GABBR2: variants seen among roughly 807,000 people sequenced by gnomAD.
GABBR2 encodes the protein gamma-aminobutyric acid type B receptor subunit 2, also known as G-protein coupled receptor 51.
A neutral mutation model predicts 105.6 loss-of-function variants in GABBR2; 23 were observed. The ratio of observed to expected loss-of-function variants is 0.22; its 90% CI spans 0.16 to 0.31. The LOEUF (loss-of-function observed/expected upper bound fraction) is 0.31. Ranked by LOEUF, GABBR2 falls within the 10% of genes least tolerant of loss-of-function variation. The pLI is 1.00. For synonymous variants in GABBR2, 478 were observed against 499.7 expected (o/e 0.96, Z 0.58); for missense variants, 734 against 1,245.5 (o/e 0.59, Z 6.18).
intron 11 of GABBR2, among the ~76,000 whole-genome samples, chr9:98,377,113 C>T (rs1166279904): frequency 6.7e-6 from 1 of 148,204 alleles, no homozygotes; most frequent in Non-Finnish European, 1.5e-5. Context: ...CAGAACAATG[C>T]AGAATGAGCA....
intron 2 of GABBR2, among the ~76,000 whole-genome samples, chr9:98,555,285 G>C (rs1019163058): frequency 5.3e-5 from 8 of 152,216 alleles, no homozygotes; most frequent in African/African-American, 1.9e-4. Context: ...AAGCCTCAGC[G>C]AAGGAAAGGA....
chr9:98,643,956 C>T (rs1829999819), intron 1 of GABBR2, among the ~76,000 whole-genome samples: 2 of 152,158 alleles, frequency 1.3e-5, no homozygotes, highest in South Asian at 4.1e-4. Flanking sequence ...GGCTAGCCTT[C>T]CCCAAAGTTT....
At chr9:98,364,649 T>G (rs1831645497) in intron 12 of GABBR2, among the ~76,000 whole-genome samples, 1 of 148,340 alleles carries the variant, frequency 6.7e-6, no homozygotes, top group Non-Finnish European at 1.5e-5. Flanking sequence ...TAGGCTGGAA[T>G]GCAATGGTGC....
rs530418068 is a variant in GABBR2 at position 98,454,650 on chromosome 9, A to G, written c.1000-433T>C. Among the ~76,000 whole-genome samples the G allele has an allele frequency of 1.3e-5, 2 of 152,294 alleles. No individual in the cohort carries two copies. Among genetic ancestry groups the G allele is most frequent in the African/African-American group, 4.8e-5 (2 of 41,552 alleles). On this transcript the variant is annotated intron_variant, in intron 6 of 18. Transcript: ENST00000259455. The surrounding 1 kb of genome is among the most constrained non-coding windows in gnomAD (Gnocchi z 4.6). ...AAAATATTCTCTATCTCCTCATCGT[A>G]ATAAATACACCTTCCTAGGGATCTG... is the stretch of plus-strand genomic sequence containing the variant.
At chr9:98,407,567 A>T (rs1203771414) in intron 7 of GABBR2, among the ~76,000 whole-genome samples, 3 of 152,210 alleles carry the variant, frequency 2.0e-5, no homozygotes, top group Non-Finnish European at 4.4e-5. Flanking sequence ...CACCTTCTAA[A>T]AGGATCATTT....
chr9:98,501,420 C>T (rs1484742197), intron 3 of GABBR2, among the ~76,000 whole-genome samples: 1 of 152,186 alleles, frequency 6.6e-6, no homozygotes, highest in Non-Finnish European at 1.5e-5. Context: ...CCGCTTTGGC[C>T]TCCCAAAGTG....
At chr9:98,349,752 G>A (rs534787742) in intron 13 of GABBR2, among the ~76,000 whole-genome samples, 1 of 152,176 alleles carries the variant, frequency 6.6e-6, no homozygotes, top group South Asian at 2.1e-4. Flanking sequence ...TGGTATCAGG[G>A]TAATTCTGGT....
chr9:98,509,418 G>C (rs1008098002), intron 3 of GABBR2, among the ~76,000 whole-genome samples: 17 of 152,328 alleles, frequency 1.1e-4, no homozygotes, highest in Admixed American at 1.0e-3. Flanking sequence ...AAGCTGGATG[G>C]AGAATGACTT....
chr9:98,517,567 A>G (rs1442200499), intron 3 of GABBR2, among the ~76,000 whole-genome samples: 2 of 152,226 alleles, frequency 1.3e-5, no homozygotes, highest in South Asian at 2.1e-4. Flanking sequence ...AATAATGTCT[A>G]AACTTCATTG....
intron 1 of GABBR2, among the ~76,000 whole-genome samples, chr9:98,613,880 G>T (rs1424062451): frequency 6.6e-6 from 1 of 152,204 alleles, no homozygotes; most frequent in Admixed American, 6.5e-5. Flanking sequence ...GCGAGCAAAA[G>T]CATTAGGAAA....
chr9:98,476,253 T>C (rs796312257), intron 5 of GABBR2, among the ~76,000 whole-genome samples: 32 of 152,360 alleles, frequency 2.1e-4, no homozygotes, highest in African/African-American at 7.5e-4. Context: ...AACCAGCTAC[T>C]GTCCTGTTGT....
chr9:98,700,806 G>A (rs1477535863), intron 1 of GABBR2, among the ~76,000 whole-genome samples: 1 of 152,192 alleles, frequency 6.6e-6, no homozygotes, highest in Non-Finnish European at 1.5e-5. Context: ...AGTCCAGTGT[G>A]CCTTCCCTCT....
rs1438985228 is a variant in GABBR2, at chr9:98,362,619, G to A, written c.1893+96C>T. The stretch of plus-strand genomic sequence containing the variant: ...TGGAACTGATGAAGTGTTCCCAGTG[G>A]GGTACTGGGCAGTCTGGGAGCTGTG... On this transcript the variant is annotated intron_variant, in intron 13 of 18. Coordinates refer to ENST00000259455, the MANE Select transcript of GABBR2 (RefSeq NM_005458.8). 7 of 927,942 alleles carry A rather than the reference G, an allele frequency of 7.5e-6. No individual in the cohort carries two copies. In the South Asian group the frequency reaches 1.2e-4, roughly 16 times the overall value. The allele number at this position is 927,942 out of a possible 1,614,324, so 57.5% of individuals were successfully genotyped here. A position where few individuals can be genotyped will look rare whatever the true frequency, so the allele number is the denominator to read the frequency against.
intron 1 of GABBR2, among the ~76,000 whole-genome samples, chr9:98,657,752 G>A (rs1830202598): frequency 6.6e-6 from 1 of 152,262 alleles, no homozygotes; most frequent in African/African-American, 2.4e-5. Flanking sequence ...ACTGGATCAT[G>A]GGAGCCATTT....
At chr9:98,522,523 C>T (rs993237629) in intron 3 of GABBR2, among the ~76,000 whole-genome samples, 4 of 152,136 alleles carry the variant, frequency 2.6e-5, no homozygotes, top group South Asian at 2.1e-4. Flanking sequence ...CCAAATCAGA[C>T]TGCATCAGAC....
chr9:98,427,732 CGT>C, intron 7 of GABBR2, among the ~76,000 whole-genome samples: 1 of 51,480 alleles, frequency 1.9e-5, no homozygotes, highest in South Asian at 6.8e-4. Context: ...AGCCAGCCAC[CGT>C]ATCATGAAGA....
intron 7 of GABBR2, among the ~76,000 whole-genome samples, chr9:98,446,360 G>A (rs918204419): frequency 6.6e-6 from 1 of 152,084 alleles, no homozygotes; most frequent in Non-Finnish European, 1.5e-5. Context: ...AATATTTACC[G>A]CCACTCTACA....
intron 2 of GABBR2, among the ~76,000 whole-genome samples, chr9:98,569,321 C>T (rs1026599386): frequency 6.6e-6 from 1 of 152,070 alleles, no homozygotes; most frequent in African/African-American, 2.4e-5. Context: ...GAGAGGCAGA[C>T]GTTGTGTGTA....
chr9:98,649,682 T>C (rs1218761466), intron 1 of GABBR2, among the ~76,000 whole-genome samples: 1 of 152,198 alleles, frequency 6.6e-6, no homozygotes, highest in Non-Finnish European at 1.5e-5. Flanking sequence ...AAAATATGCC[T>C]GTGTTCATGC....
Sources: allele counts gnomAD v4.1 joint callset (sites outside exome capture counted in the v4.1 genomes callset), GRCh38; gene constraint gnomAD v4.1.1; non-coding constraint Gnocchi (gnomAD v3.1); transcripts MANE v1.5; gene names NCBI Gene and HGNC (gene_info 2026-07-23, HGNC 2026-07-21).